DNAH14: variants seen among roughly 807,000 people sequenced by gnomAD.
The protein encoded by DNAH14 is dynein axonemal heavy chain 14, also known as axonemal beta dynein heavy chain 14.
DNAH14 carries 478 observed loss-of-function variants against 520.9 expected under a neutral mutation model. The ratio of observed to expected loss-of-function variants is 0.92; its 90% CI spans 0.85 to 0.99. The LOEUF (loss-of-function observed/expected upper bound fraction) is 0.99. Among genes scored for constraint, DNAH14 ranks in the 50% least tolerant of loss-of-function variants. The probability of loss-of-function intolerance (pLI) is 0.00; values close to 1 mark genes in which losing one functional copy is unlikely to be tolerated. For missense variants in DNAH14, 4,831 were observed against 5,234.5 expected (o/e 0.92, Z 2.38); for synonymous variants, 1,581 against 1,757.2 (o/e 0.90, Z 2.51).
At chr1:225,217,124 T>C (rs1373190683) in intron 41 of DNAH14, among the ~76,000 whole-genome samples, 1 of 152,210 alleles carries the variant, frequency 6.6e-6, no homozygotes, top group Non-Finnish European at 1.5e-5. Flanking sequence ...CTTCTAACAG[T>C]CAGGACCCTC....
intron 10 of DNAH14, among the ~76,000 whole-genome samples, chr1:225,008,575 C>CTTTTTTTTTTTTTT (rs57331050): frequency 1.2e-4 from 12 of 98,306 alleles, no homozygotes; most frequent in African/African-American, 4.2e-4. Context: ...TTTTTCCTGA[C>CTTTTTTTTTTTTTT]TTTTTTTTTT....
At chr1:225,298,701 C>G (rs900444222) in intron 55 of DNAH14, among the ~76,000 whole-genome samples, 6 of 152,170 alleles carry the variant, frequency 3.9e-5, no homozygotes, top group African/African-American at 1.4e-4. Context: ...TGTAGCTTGG[C>G]TCACAGCAGG....
rs543919191 is a variant in DNAH14 at position 225,262,538 on chromosome 1, T to G, written c.7158-1659T>G. Among the ~76,000 whole-genome samples the G allele has an allele frequency of 2.0e-5, 3 of 152,212 alleles. No homozygotes were observed. In the South Asian group the frequency reaches 6.2e-4, roughly 32 times the overall value. On this transcript the variant is annotated intron_variant, in intron 46 of 85. Coordinates refer to ENST00000682510, the MANE Select transcript of DNAH14 (RefSeq NM_001367479.1). ...TTTTGCACACAGTAAGAGATAAGAA[T>G]CCAGTTTCATTCTTCTATATGATGT...
At chr1:224,999,475 G>T (rs1183347055) in intron 8 of DNAH14, among the ~76,000 whole-genome samples, 3 of 152,116 alleles carry the variant, frequency 2.0e-5, no homozygotes, top group Admixed American at 1.3e-4. Flanking sequence ...AGAGTGCTGG[G>T]ATTACAGGTG....
chr1:225,326,381 A>G (rs2150240799), intron 64 of DNAH14, among the ~76,000 whole-genome samples: 1 of 152,292 alleles, frequency 6.6e-6, no homozygotes. Flanking sequence ...TGGCATAGGC[A>G]CCAAACTGAT....
chr1:225,212,174 T>G (rs532760974), intron 41 of DNAH14, among the ~76,000 whole-genome samples: 2 of 151,362 alleles, frequency 1.3e-5, no homozygotes, highest in South Asian at 4.2e-4. Context: ...TCTGTCCTTG[T>G]GAGAGTTTGC....
rs375875976 is a variant in DNAH14 at position 225,254,291 on chromosome 1, T to C, written c.6865+1874T>C. Among the ~76,000 whole-genome samples, 110 of 152,300 alleles carry C rather than the reference T, an allele frequency of 7.2e-4. 2 individuals are homozygous for C. The South Asian group carries it at 0.022, about 30-fold the overall frequency. ...ATATTTGGATCTTTGTTAAAGCAGA[T>C]AGAACTTGTATCATAATTAATACAC... On this transcript the variant is annotated intron_variant, in intron 44 of 85. Coordinates refer to ENST00000682510, the MANE Select transcript of DNAH14 (RefSeq NM_001367479.1).
At position 224,945,917 on chromosome 1, in the gene DNAH14, G is replaced by C. The variant is rs374244237; in HGVS notation, c.-33-6753G>C. 3.1e-4 allele frequency among the ~76,000 whole-genome samples: 47 copies of C among 152,406 alleles called. No individual in the cohort carries two copies. In the South Asian group the frequency reaches 9.5e-3, roughly 31 times the overall value. On this transcript the variant is annotated intron_variant, in intron 1 of 85. Transcript: ENST00000682510. ...CTGCCCCTACTGGGGCTGCCTCCCA[G>C]TTAGGCTACTCGGGGGTCAGGGAAC...
intron 61 of DNAH14, among the ~76,000 whole-genome samples, chr1:225,322,077 TTTTC>T (rs1201453356): frequency 1.6e-3 from 222 of 135,468 alleles, no homozygotes; most frequent in Non-Finnish European, 2.7e-3. Flanking sequence ...TTTTCTTTTT[TTTTC>T]TTTCTTTTTT....
At position 225,337,487 on chromosome 1, in the gene DNAH14, C is replaced by T. The variant is rs745582334; in HGVS notation, c.10302C>T (p.Val3434=). The change falls in exon 67 of 86, where the codon GTC becomes GTT. Residue 3434 remains valine, a synonymous_variant. Coordinates refer to ENST00000682510, the MANE Select transcript of DNAH14 (RefSeq NM_001367479.1). ...IENAMKTGGS[V]LLQNLLETLA... ...ATGCTATGAAGACAGGAGGGAGTGT[C>T]CTCCTGCAGGTAAGTGGGCAGTATG... 4.5e-6 allele frequency: 7 copies of T among 1,551,566 alleles called. No homozygotes were observed. In the African/African-American group the frequency reaches 6.8e-5, roughly 15 times the overall value.
At chr1:225,261,060 CTATT>C (rs1312102059) in intron 46 of DNAH14, among the ~76,000 whole-genome samples, 4 of 152,108 alleles carry the variant, frequency 2.6e-5, no homozygotes, top group Non-Finnish European at 4.4e-5. Flanking sequence ...TTTAGGGTCT[CTATT>C]AATAAGATCA....
At chr1:225,012,265 G>A (rs1051321148) in intron 10 of DNAH14, among the ~76,000 whole-genome samples, 3 of 152,264 alleles carry the variant, frequency 2.0e-5, no homozygotes, top group South Asian at 4.1e-4. Flanking sequence ...CTTTAAGAAT[G>A]TTGAATATTG....
intron 57 of DNAH14, 143 bp downstream of exon 57, chr1:225,303,490 G>T: frequency 1.5e-6 from 1 of 685,232 alleles, no homozygotes. Context: ...TGTTTACAAT[G>T]ACTCCCTATT....
At chr1:225,330,095 C>T (rs2094761457) in intron 64 of DNAH14, among the ~76,000 whole-genome samples, 1 of 152,144 alleles carries the variant, frequency 6.6e-6, no homozygotes, top group Non-Finnish European at 1.5e-5. Context: ...ATAAAAACTA[C>T]AGTGAGATAT....
chr1:225,325,998 G>A (rs147035834), intron 64 of DNAH14, among the ~76,000 whole-genome samples: 218 of 152,220 alleles, frequency 1.4e-3, no homozygotes, highest in Middle Eastern at 3.4e-3. Context: ...AATTTGAACC[G>A]AATTTACTTT....
chr1:225,235,259 G>T (rs1232679280), intron 42 of DNAH14, among the ~76,000 whole-genome samples: 2 of 152,152 alleles, frequency 1.3e-5, no homozygotes, highest in African/African-American at 4.8e-5. Context: ...AAAGGATGTT[G>T]AATTATATCA....
chr1:225,128,331 C>A (rs1254482390), intron 27 of DNAH14, among the ~76,000 whole-genome samples: 2 of 152,124 alleles, frequency 1.3e-5, no homozygotes, highest in Non-Finnish European at 1.5e-5. Flanking sequence ...CCAGCATCAT[C>A]CTGATACCAA....
intron 37 of DNAH14, among the ~76,000 whole-genome samples, chr1:225,188,909 T>C (rs1207387586): frequency 2.6e-5 from 4 of 151,932 alleles, no homozygotes; most frequent in African/African-American, 9.7e-5. Context: ...ATTAAATTTA[T>C]TCCTAGGCAT....
intron 11 of DNAH14, among the ~76,000 whole-genome samples, chr1:225,028,761 A>G (rs1174953639): frequency 6.6e-6 from 1 of 152,066 alleles, no homozygotes; most frequent in Non-Finnish European, 1.5e-5. Flanking sequence ...ACACTTTTAC[A>G]TACCTACTAG....
Sources: gnomAD v4.1 joint callset for allele counts (sites outside exome capture counted in the v4.1 genomes callset) on GRCh38, gnomAD v4.1.1 for gene constraint, MANE v1.5 for transcripts, NCBI Gene and HGNC (gene_info 2026-07-23, HGNC 2026-07-21) for gene names.